ASIC2: variants seen among roughly 807,000 people sequenced by gnomAD.
ASIC2 encodes acid-sensing ion channel 2.
A neutral mutation model predicts 57.3 loss-of-function variants in ASIC2; 25 were observed. The observed-to-expected ratio is 0.44, with a 90% confidence interval of 0.32 to 0.61. The LOEUF (loss-of-function observed/expected upper bound fraction) is 0.61. Among genes scored for constraint, ASIC2 ranks in the 20% least tolerant of loss-of-function variants. The pLI, the probability that ASIC2 is intolerant of heterozygous loss-of-function variation, is 0.06. For synonymous variants in ASIC2, 319 were observed against 307.5 expected, an observed-to-expected ratio of 1.04 and a Z score of -0.39; for missense variants, 641 against 738.1, an observed-to-expected ratio of 0.87 and a Z score of 1.52.
intron 1 of ASIC2, among the ~76,000 whole-genome samples, chr17:33,150,517 CTTA>C (rs1248132114): frequency 6.6e-6 from 1 of 152,076 alleles, no homozygotes; most frequent in Non-Finnish European, 1.5e-5. Context: ...ATTCCAAGGT[CTTA>C]TTATTGATAA....
At chr17:33,130,947 A>T (rs1185256562) in intron 1 of ASIC2, among the ~76,000 whole-genome samples, 1 of 152,230 alleles carries the variant, frequency 6.6e-6, no homozygotes, top group African/African-American at 2.4e-5. Context: ...GCCACTGCTT[A>T]TCAGCTGTGT....
intron 3 of ASIC2, among the ~76,000 whole-genome samples, chr17:33,080,551 T>C (rs1040972534): frequency 1.3e-5 from 2 of 151,992 alleles, no homozygotes; most frequent in Non-Finnish European, 1.5e-5. Context: ...TTTTCCTATA[T>C]ATACATACAT....
At chr17:33,576,414 G>C (rs1314303887) in intron 1 of ASIC2, among the ~76,000 whole-genome samples, 1 of 152,182 alleles carries the variant, frequency 6.6e-6, no homozygotes, top group Non-Finnish European at 1.5e-5. Context: ...ATGTTGCCTA[G>C]CACATAGCAG....
intron 1 of ASIC2, among the ~76,000 whole-genome samples, chr17:33,890,628 C>T (rs990131479): frequency 1.3e-5 from 2 of 152,158 alleles, no homozygotes; most frequent in Non-Finnish European, 2.9e-5. Context: ...CAGGTCTGAA[C>T]CACCGTCCAT....
intron 1 of ASIC2, among the ~76,000 whole-genome samples, chr17:33,860,299 T>C (rs1299987490): frequency 1.3e-5 from 2 of 152,038 alleles, no homozygotes; most frequent in Non-Finnish European, 2.9e-5. Context: ...ATTCTTAAGA[T>C]GGGGGTATAA....
chr17:33,021,172 C>A, intron 7 of ASIC2, 47 bp downstream of exon 7: 1 of 892,204 alleles, frequency 1.1e-6, no homozygotes, highest in South Asian at 1.4e-5. Context: ...TCCCTCCCTC[C>A]CACCCTCTAT....
intron 1 of ASIC2, among the ~76,000 whole-genome samples, chr17:33,356,749 CATT>C (rs997060565): frequency 1.4e-4 from 22 of 152,276 alleles, no homozygotes; most frequent in African/African-American, 5.3e-4. Flanking sequence ...ATGAAGATCT[CATT>C]ATGTAATTAG....
chr17:33,503,470 C>A (rs1914160001), intron 1 of ASIC2, among the ~76,000 whole-genome samples: 1 of 152,094 alleles, frequency 6.6e-6, no homozygotes, highest in Non-Finnish European at 1.5e-5. Context: ...AGTCAGGGTT[C>A]CCCAGGAAAA....
intron 1 of ASIC2, among the ~76,000 whole-genome samples, chr17:34,099,737 AGAAAGAAAG>A (rs1910767507): frequency 2.9e-3 from 1 of 350 alleles, no homozygotes; most frequent in Admixed American, 0.12. Context: ...AAAGAAGGAA[AGAAAGAAAG>A]AAAGAAAGAA....
intron 1 of ASIC2, among the ~76,000 whole-genome samples, chr17:33,819,261 A>G (rs1277384527): frequency 6.6e-6 from 1 of 152,216 alleles, no homozygotes; most frequent in Non-Finnish European, 1.5e-5. Flanking sequence ...TAAAAGCACT[A>G]GAAATTAACC....
chr17:33,895,890 C>T lies in ASIC2; in HGVS notation c.555+260088G>A, dbSNP rs758922841. ...ATTCAAATCCTGAATTCACCACTTA[C>T]GGGGTGCATAACTTTGCAGCAAATA... On this transcript the variant is annotated intron_variant, in intron 1 of 9. Coordinates refer to the ASIC2 transcript ENST00000359872. 2.6e-5 allele frequency among the ~76,000 whole-genome samples: 4 copies of T among 152,180 alleles called. No homozygotes were observed. The South Asian group carries it at 6.2e-4, about 24-fold the overall frequency.
intron 1 of ASIC2, among the ~76,000 whole-genome samples, chr17:33,818,392 G>A (rs1912650327): frequency 6.6e-6 from 1 of 152,154 alleles, no homozygotes; most frequent in South Asian, 2.1e-4. Context: ...CTGCGAAGTA[G>A]GTACTACTTC....
intron 1 of ASIC2, among the ~76,000 whole-genome samples, chr17:33,640,719 G>T (rs1906535167): frequency 6.6e-6 from 1 of 152,230 alleles, no homozygotes; most frequent in East Asian, 1.9e-4. Context: ...CCTGCGTGTA[G>T]TTCCCATTCT....
At chr17:33,496,205 G>A (rs541857761) in intron 1 of ASIC2, among the ~76,000 whole-genome samples, 1 of 152,296 alleles carries the variant, frequency 6.6e-6, no homozygotes, top group African/African-American at 2.4e-5. Flanking sequence ...CAGGATGAGG[G>A]CTTGGACCGG....
chr17:33,947,964 T>C (rs1215056247), intron 1 of ASIC2, among the ~76,000 whole-genome samples: 2 of 152,260 alleles, frequency 1.3e-5, no homozygotes, highest in African/African-American at 2.4e-5. Context: ...TGATCTTAAG[T>C]GCTAACTAAG....
At chr17:34,111,091 C>T (rs111652085) in intron 1 of ASIC2, among the ~76,000 whole-genome samples, 2 of 151,648 alleles carry the variant, frequency 1.3e-5, no homozygotes, top group East Asian at 1.9e-4. Flanking sequence ...CTGGGCATGG[C>T]GGCAGGCACC....
intron 1 of ASIC2, among the ~76,000 whole-genome samples, chr17:33,613,282 C>G (rs534508837): frequency 6.6e-6 from 1 of 152,048 alleles, no homozygotes; most frequent in Non-Finnish European, 1.5e-5. Context: ...TCTCCTCATT[C>G]CTCCAGTGCC....
chr17:33,043,492 T>C (rs911076654), intron 3 of ASIC2, among the ~76,000 whole-genome samples: 1 of 152,194 alleles, frequency 6.6e-6, no homozygotes, highest in Non-Finnish European at 1.5e-5. Context: ...CTGCTCCCCA[T>C]TCCCTCCAAT....
chr17:33,263,888 C>T (rs1039239285), intron 1 of ASIC2, among the ~76,000 whole-genome samples: 1 of 152,192 alleles, frequency 6.6e-6, no homozygotes, highest in African/African-American at 2.4e-5. Context: ...TCACATGATA[C>T]CGGCTAAGTA....
Sources: allele counts gnomAD v4.1 joint callset (sites outside exome capture counted in the v4.1 genomes callset), GRCh38; gene constraint gnomAD v4.1.1; transcripts MANE v1.5; gene names NCBI Gene and HGNC (gene_info 2026-07-23, HGNC 2026-07-21).